The following PEMT variants were observed in gnomAD, a reference collection of about 807,000 sequenced individuals.
PEMT encodes phosphatidylethanolamine N-methyltransferase, also known as phospholipid methyltransferase.
Under a neutral mutation model 27.4 loss-of-function variants are expected in PEMT, and 23 were observed. The ratio of observed to expected loss-of-function variants is 0.84; its 90% CI spans 0.60 to 1.19. PEMT has a LOEUF of 1.19. PEMT is among the 50% of genes most tolerant of loss of function. PEMT has a pLI of 0.00. For synonymous variants in PEMT, 137 were observed against 139.1 expected, an observed-to-expected ratio of 0.98 and a Z score of 0.11; for missense variants, 307 against 310.1, an observed-to-expected ratio of 0.99 and a Z score of 0.07.
At position 17,512,521 on chromosome 17, in the gene PEMT, C is replaced by A; in HGVS notation, c.454G>T (p.Gly152Ter). ...CTCAGGGTCTTACCTAGGAAAGTTC[C>A]AGCGAACCCCAGTGCAAAGAAGCTG... ...LSSFFALGFA[G>*]TFLGDYFGIL... Residue 152 changes from glycine (G) to a stop codon, truncating the protein, a stop_gained, in exon 4 of 7, where the codon GGA becomes TGA. Coordinates refer to ENST00000255389, the MANE Select transcript of PEMT (RefSeq NM_148172.3). LOFTEE classifies it high-confidence loss of function. This position sits in a 1 kb window ranked among gnomAD's most constrained non-coding sequence, Gnocchi z 6.3. 1 of 1,600,586 alleles carries A rather than the reference C, an allele frequency of 6.2e-7. No individual in the cohort carries two copies. The highest frequency in any genetic ancestry group is 8.5e-7 in the Non-Finnish European group (1 of 1,172,704).
chr17:17,550,072 G>A lies in PEMT; in HGVS notation c.204+26848C>T, dbSNP rs561880206. 3.9e-5 allele frequency among the ~76,000 whole-genome samples: 6 copies of A among 152,202 alleles called. No homozygotes were observed. In the East Asian group the frequency reaches 7.7e-4, roughly 20 times the overall value. The stretch of plus-strand genomic sequence containing the variant: ...CTGAAAACAGTTCCTCCCTGATAGC[G>A]GGGGGGATCAGCAGGGCTGGGCACA... On this transcript the variant is annotated intron_variant, in intron 2 of 6. Transcript: ENST00000255389.
At chr17:17,521,567 A>ATT (rs1376682184) in intron 3 of PEMT, among the ~76,000 whole-genome samples, 6 of 151,934 alleles carry the variant, frequency 3.9e-5, no homozygotes, top group African/African-American at 1.2e-4. Context: ...TTTCTTTTAA[A>ATT]AAAAAAAAAA....
intron 2 of PEMT, chr17:17,570,565 A>C: frequency 3.0e-6 from 3 of 985,406 alleles, no homozygotes; most frequent in Non-Finnish European, 2.4e-6. Flanking sequence ...CCTGACAAGG[A>C]CCACTCCAAG....
chr17:17,589,434 A>G (rs1313782637), intron 1 of PEMT, among the ~76,000 whole-genome samples: 1 of 152,238 alleles, frequency 6.6e-6, no homozygotes, highest in Non-Finnish European at 1.5e-5. Context: ...ATGCCACAGG[A>G]CAAAATATGT....
chr17:17,511,050 C>A (rs911730226), intron 4 of PEMT, among the ~76,000 whole-genome samples: 15 of 152,148 alleles, frequency 9.9e-5, no homozygotes, highest in Admixed American at 2.6e-4. Context: ...CCCTATGGCT[C>A]CCACCTCTCT....
Position 17,582,187 on chromosome 17 carries a change from G to A in PEMT, c.97-5160C>T. The A allele has an allele frequency of 1.2e-6, 1 of 838,894 alleles. No homozygotes were observed. Among genetic ancestry groups the A allele is most frequent in the Non-Finnish European group, 1.4e-6 (1 of 696,258 alleles). The allele number at this position is 838,894 out of a possible 1,614,324, so 52.0% of individuals were successfully genotyped here. A position where few individuals can be genotyped will look rare whatever the true frequency, so the allele number is the denominator to read the frequency against. ...AGAGGTCCCGGCTTTCTGCTACCCAGTAATTCTAATGGAACCCCCACTCCA... is the reference window on the plus strand; with the variant it reads ...AGAGGTCCCGGCTTTCTGCTACCCAATAATTCTAATGGAACCCCCACTCCA... On this transcript the variant is annotated intron_variant, in intron 1 of 6. Transcript: ENST00000255389. The surrounding 1 kb of genome is among the most constrained non-coding windows in gnomAD (Gnocchi z 4.9).
chr17:17,545,176 C>T (rs896249340), intron 2 of PEMT, among the ~76,000 whole-genome samples: 6 of 152,230 alleles, frequency 3.9e-5, no homozygotes, highest in African/African-American at 1.4e-4. Flanking sequence ...GCGGGGCAGC[C>T]GGGACCTCAG....
chr17:17,573,553 G>A (rs1911357744), intron 2 of PEMT, among the ~76,000 whole-genome samples: 2 of 151,970 alleles, frequency 1.3e-5, no homozygotes, highest in Non-Finnish European at 2.9e-5. Context: ...TACCCAGCAT[G>A]TACACTGTCT....
At chr17:17,592,063 T>C, upstream of PEMT, 1 of 984,540 alleles carries the variant, frequency 1.0e-6, no homozygotes, top group Non-Finnish European at 1.2e-6. Context: ...CCTGCGGACT[T>C]GGACTTGGCC....
At position 17,576,952 on chromosome 17, in the gene PEMT, T is replaced by C. The variant is rs1911637161; in HGVS notation, c.172A>G (p.Thr58Ala). 1 of 1,613,954 alleles carries C rather than the reference T, an allele frequency of 6.2e-7. No individual in the cohort carries two copies. Among genetic ancestry groups the C allele is most frequent in the African/African-American group, 1.3e-5 (1 of 75,034 alleles). Residue 58 changes from threonine to alanine, a missense_variant, in exon 2 of 7, where the codon ACC (threonine) becomes GCC (alanine). Physicochemically the swap from Thr to Ala is moderately conservative, Grantham distance 58 (BLOSUM62 0). Coordinates refer to ENST00000255389, the MANE Select transcript of PEMT (RefSeq NM_148172.3). ...LDPSFVAAVITITFNPLYWNV... is the reference protein window; with the variant it reads ...LDPSFVAAVIAITFNPLYWNV... ...CAGTAGAGCGGATTGAAGGTGATGGTGATGACGGCAGCCACAAAGCTGGGA... is the reference window on the plus strand; with the variant it reads ...CAGTAGAGCGGATTGAAGGTGATGGCGATGACGGCAGCCACAAAGCTGGGA...
intron 2 of PEMT, among the ~76,000 whole-genome samples, chr17:17,562,540 G>T (rs1241422228): frequency 6.6e-6 from 1 of 152,382 alleles, no homozygotes; most frequent in Admixed American, 6.5e-5. Flanking sequence ...GCCGGGCACG[G>T]TGGCTCACCT....
chr17:17,574,991 T>C (rs1487744355), intron 2 of PEMT, among the ~76,000 whole-genome samples: 1 of 152,174 alleles, frequency 6.6e-6, no homozygotes, highest in Non-Finnish European at 1.5e-5. Context: ...GTCTTTGGCT[T>C]TTTAAATACC....
At chr17:17,568,594 A>C (rs1041872085) in intron 2 of PEMT, among the ~76,000 whole-genome samples, 2 of 152,188 alleles carry the variant, frequency 1.3e-5, no homozygotes, top group South Asian at 4.1e-4. Context: ...GATGTGAATG[A>C]CAAGGGTACA....
At chr17:17,562,453 A>G (rs927651030) in intron 2 of PEMT, among the ~76,000 whole-genome samples, 1 of 152,142 alleles carries the variant, frequency 6.6e-6, no homozygotes, top group African/African-American at 2.4e-5. Flanking sequence ...CCCGCCCCTC[A>G]AGACAGCTGC....
intron 1 of PEMT, among the ~76,000 whole-genome samples, chr17:17,583,795 C>G (rs1204052455): frequency 6.6e-6 from 1 of 152,190 alleles, no homozygotes; most frequent in Non-Finnish European, 1.5e-5. Context: ...GGGAAGACCC[C>G]GATGCTGGAA....
Position 17,509,561 on chromosome 17 carries a change from G to C in PEMT, c.467-16C>G. On this transcript the variant is annotated splice_polypyrimidine_tract_variant and intron_variant, in intron 4 of 6. Coordinates refer to ENST00000255389, the MANE Select transcript of PEMT (RefSeq NM_148172.3). ...AAGTAATCACCTGTGGATGAGGCAA[G>C]GCAGGGTCCCTCGGCTATTCATCAG... 6.4e-7 allele frequency: 1 copy of C among 1,559,890 alleles called. No individual in the cohort carries two copies. Among genetic ancestry groups the C allele is most frequent in the Non-Finnish European group, 8.8e-7 (1 of 1,130,640 alleles).
At position 17,523,709 on chromosome 17, in the gene PEMT, C is replaced by T. The variant is rs916558315; in HGVS notation, c.205-1314G>A. 2.6e-5 allele frequency among the ~76,000 whole-genome samples: 4 copies of T among 151,174 alleles called. No homozygotes were observed. The highest frequency in any genetic ancestry group is 1.9e-4 in the East Asian group (1 of 5,158). On this transcript the variant is annotated intron_variant, in intron 2 of 6. Coordinates refer to ENST00000255389, the MANE Select transcript of PEMT (RefSeq NM_148172.3). This position sits in a 1 kb window ranked among gnomAD's most constrained non-coding sequence, Gnocchi z 4.8. ...CGCTGCAGGGGTGAGGAGGGGGCTG[C>T]GGTGACCTTGCTGGGAATGTGTGGG...
At chr17:17,554,046 G>C (rs760383225) in intron 2 of PEMT, among the ~76,000 whole-genome samples, 2 of 152,236 alleles carry the variant, frequency 1.3e-5, no homozygotes, top group Non-Finnish European at 2.9e-5. Flanking sequence ...TGGCCCGTGA[G>C]CAGGAACTGG....
At chr17:17,524,835 C>T (rs1231839423) in intron 2 of PEMT, among the ~76,000 whole-genome samples, 4 of 152,140 alleles carry the variant, frequency 2.6e-5, no homozygotes, top group South Asian at 4.1e-4. Context: ...TCCAGCTGGG[C>T]GTGGTGGCTC....
Sources: gnomAD v4.1 joint callset for allele counts (sites outside exome capture counted in the v4.1 genomes callset) on GRCh38, gnomAD v4.1.1 for gene constraint, Gnocchi (gnomAD v3.1) non-coding constraint, MANE v1.5 for transcripts, NCBI Gene and HGNC (gene_info 2026-07-23, HGNC 2026-07-21) for gene names.